The following PREX2 variants were observed in gnomAD, a reference collection of about 807,000 sequenced individuals.
PREX2 encodes phosphatidylinositol 3,4,5-trisphosphate-dependent Rac exchanger 2 protein.
A neutral mutation model predicts 203.2 loss-of-function variants in PREX2; 107 were observed. The observed-to-expected ratio is 0.53, with a 90% CI of 0.45 to 0.62. The LOEUF (loss-of-function observed/expected upper bound fraction) is 0.62, where lower values mean the gene tolerates loss of function less well. Ranked by LOEUF, PREX2 falls within the 20% of genes least tolerant of loss-of-function variation. The pLI, the probability that PREX2 is intolerant of heterozygous loss-of-function variation, is 0.00. For missense variants in PREX2, 1,777 were observed against 1,955.9 expected (o/e 0.91, Z 1.72); for synonymous variants, 672 against 663.6 (o/e 1.01, Z -0.19).
At chr8:68,190,748 ATAAAT>A (rs1049334846) in intron 35 of PREX2, among the ~76,000 whole-genome samples, 3 of 152,046 alleles carry the variant, frequency 2.0e-5, no homozygotes, top group Admixed American at 1.3e-4. Context: ...TGAATCTAAA[ATAAAT>A]TAAAAGAATG....
intron 37 of PREX2, among the ~76,000 whole-genome samples, chr8:68,215,294 A>T (rs1812811854): frequency 6.6e-6 from 1 of 152,218 alleles, no homozygotes; most frequent in African/African-American, 2.4e-5. Flanking sequence ...AAGTGAGTAC[A>T]CGAGAGATAA....
intron 37 of PREX2, chr8:68,192,734 A>G (rs1403028701): frequency 4.8e-6 from 2 of 417,772 alleles, no homozygotes; most frequent in Non-Finnish European, 4.2e-6. Context: ...CCACGTTTAT[A>G]TCATTGTGGC....
At chr8:68,017,158 T>C (rs1403870434) in intron 1 of PREX2, among the ~76,000 whole-genome samples, 1 of 152,130 alleles carries the variant, frequency 6.6e-6, no homozygotes, top group African/African-American at 2.4e-5. Context: ...TGTTTAGCCA[T>C]TGGTCAAAAC....
At position 68,127,319 on chromosome 8, in the gene PREX2, A is replaced by G. The variant is rs376414980; in HGVS notation, c.3725-59A>G. The G allele has an allele frequency of 7.0e-5, 92 of 1,308,376 alleles. No homozygotes were observed. The African/African-American group carries it at 1.2e-3, about 17-fold the overall frequency. 81.0% of individuals were successfully genotyped at this position (1,308,376 alleles called of 1,614,324 possible). A position where few individuals can be genotyped will look rare whatever the true frequency, so the allele number is the denominator to read the frequency against. On this transcript the variant is annotated intron_variant, in intron 30 of 39. Transcript: ENST00000288368. ...TACTAATTTTGACTACACAGTTAAA[A>G]TATGGTATTTGTGACAGAAAGAGTG...
In PREX2 at chr8:68,067,472, C is replaced by A. The variant is rs541038894; in HGVS notation, c.1340-1561C>A. On this transcript the variant is annotated intron_variant, in intron 11 of 39. Coordinates refer to ENST00000288368, the MANE Select transcript of PREX2 (RefSeq NM_024870.4). Reference sequence around the variant, plus strand: ...AGATCGTTCACCTTCTTGTGTTATTCCTAAGTGTTACATCTTATTTTTTTA... The same window carrying A: ...AGATCGTTCACCTTCTTGTGTTATTACTAAGTGTTACATCTTATTTTTTTA... 1.1e-4 allele frequency among the ~76,000 whole-genome samples: 16 copies of A among 151,928 alleles called. No individual in the cohort carries two copies. In the South Asian group the frequency reaches 3.3e-3, roughly 32 times the overall value.
chr8:68,030,425 C>T (rs1358549655), intron 5 of PREX2, 72 bp from the exon 6 acceptor site: 1 of 1,425,074 alleles, frequency 7.0e-7, no homozygotes, highest in Non-Finnish European at 9.5e-7. Context: ...TTTTCATTTC[C>T]TGGTCAGTCT....
At chr8:68,173,983 C>A (rs910002049) in intron 35 of PREX2, among the ~76,000 whole-genome samples, 1 of 152,132 alleles carries the variant, frequency 6.6e-6, no homozygotes, top group Middle Eastern at 3.2e-3. Context: ...CTTATGGAAG[C>A]AAGATTGATT....
intron 1 of PREX2, among the ~76,000 whole-genome samples, chr8:67,953,301 A>G (rs1805409237): frequency 6.6e-6 from 1 of 150,664 alleles, no homozygotes; most frequent in African/African-American, 2.4e-5. Context: ...CTTATATTCC[A>G]CGTTTCTGCT....
At chr8:68,046,053 C>T (rs1808342552) in intron 8 of PREX2, among the ~76,000 whole-genome samples, 1 of 152,058 alleles carries the variant, frequency 6.6e-6, no homozygotes, top group Admixed American at 6.6e-5. Flanking sequence ...AAAACTTCTA[C>T]TCTGTTCTTT....
At chr8:68,060,917 A>C (rs6472376) in intron 11 of PREX2, 138 bp downstream of exon 11, 323,685 of 607,392 alleles carry the variant, frequency 0.53, 89,517 homozygotes, top group African/African-American at 0.84. Context: ...GTACCTAATA[A>C]GTGTAGAACA....
intron 6 of PREX2, among the ~76,000 whole-genome samples, chr8:68,034,530 A>G (rs751848145): frequency 2.0e-5 from 3 of 152,182 alleles, no homozygotes; most frequent in Non-Finnish European, 2.9e-5. Context: ...GGAAAACACT[A>G]TTACGATAAA....
At chr8:67,990,177 G>A (rs976353971) in intron 1 of PREX2, among the ~76,000 whole-genome samples, 1 of 152,008 alleles carries the variant, frequency 6.6e-6, no homozygotes, top group African/African-American at 2.4e-5. Flanking sequence ...GTAGAAATGG[G>A]GTTTCACCAT....
chr8:68,008,180 C>G (rs1302920481), intron 1 of PREX2, among the ~76,000 whole-genome samples: 1 of 152,152 alleles, frequency 6.6e-6, no homozygotes, highest in Non-Finnish European at 1.5e-5. Flanking sequence ...ACCTGGCATT[C>G]TTTCCCCACT....
chr8:68,058,868 A>G (rs781709169), intron 10 of PREX2, among the ~76,000 whole-genome samples: 6 of 152,250 alleles, frequency 3.9e-5, no homozygotes, highest in Non-Finnish European at 8.8e-5. Context: ...ATGGCAAAGT[A>G]CATGATATTA....
intron 11 of PREX2, among the ~76,000 whole-genome samples, chr8:68,063,024 C>T (rs547087394): frequency 5.9e-5 from 9 of 152,144 alleles, no homozygotes; most frequent in Admixed American, 2.0e-4. Context: ...TATGATTTTG[C>T]GCTTGTTTCA....
intron 35 of PREX2, among the ~76,000 whole-genome samples, chr8:68,162,818 C>T (rs966792512): frequency 1.3e-5 from 2 of 151,980 alleles, no homozygotes; most frequent in Admixed American, 6.6e-5. Context: ...CTGTGGCCAT[C>T]TGTCCAGATC....
chr8:68,127,739 G>T (rs983234705), intron 31 of PREX2, among the ~76,000 whole-genome samples: 1 of 151,966 alleles, frequency 6.6e-6, no homozygotes, highest in Non-Finnish European at 1.5e-5. Flanking sequence ...AAAGTTAATT[G>T]TGTCTAAATT....
intron 32 of PREX2, 129 bp downstream of exon 32, chr8:68,134,405 TA>T (rs1811071889): frequency 1.5e-6 from 1 of 687,644 alleles, no homozygotes; most frequent in Admixed American, 2.8e-5. Flanking sequence ...TCAGCTACTT[TA>T]AAAATATACA....
chr8:68,021,580 A>G (rs1807569177), intron 3 of PREX2, among the ~76,000 whole-genome samples: 1 of 152,164 alleles, frequency 6.6e-6, no homozygotes, highest in Non-Finnish European at 1.5e-5. Context: ...TTTTGCCTTC[A>G]TCTAAATGAC....
Sources: gnomAD v4.1 joint callset for allele counts (sites outside exome capture counted in the v4.1 genomes callset) on GRCh38, gnomAD v4.1.1 for gene constraint, MANE v1.5 for transcripts, NCBI Gene and HGNC (gene_info 2026-07-23, HGNC 2026-07-21) for gene names.